Variants in TINAGL1 observed in about 807,000 individuals in gnomAD.
TINAGL1 encodes tubulointerstitial nephritis antigen like 1, also known as tubulointerstitial nephritis antigen-like.
TINAGL1 carries 34 observed loss-of-function variants against 62.0 expected under a neutral mutation model. The observed-to-expected ratio is 0.55, with a 90% CI of 0.42 to 0.73. The LOEUF (loss-of-function observed/expected upper bound fraction) is 0.73. Ranked by LOEUF, TINAGL1 falls within the 30% of genes least tolerant of loss-of-function variation. The pLI is 0.00. For missense variants in TINAGL1, 516 were observed against 653.2 expected, an observed-to-expected ratio of 0.79 and a Z score of 2.29; for synonymous variants, 221 against 249.7, an observed-to-expected ratio of 0.88 and a Z score of 1.08.
chr1:31,586,381 A>C (rs993007689), intron 10 of TINAGL1: 1 of 495,264 alleles, frequency 2.0e-6, no homozygotes, highest in East Asian at 3.7e-5. Flanking sequence ...TGGATCCCCA[A>C]GTGAGGGAGG....
chr1:31,579,594 G>T (rs1186183380), intron 3 of TINAGL1, among the ~76,000 whole-genome samples: 1 of 152,104 alleles, frequency 6.6e-6, no homozygotes, highest in Non-Finnish European at 1.5e-5. Flanking sequence ...GAGGGAGAAG[G>T]GGGCGCCAGG....
Position 31,577,494 on chromosome 1 carries a change from T to G in TINAGL1, c.310+36T>G. On this transcript the variant is annotated intron_variant, in intron 2 of 11. Coordinates refer to ENST00000271064, the MANE Select transcript of TINAGL1 (RefSeq NM_022164.3). The surrounding 1 kb of genome is among the most constrained non-coding windows in gnomAD (Gnocchi z 5.4). ...AGATGGCCAGGAGGGTGGGTCACTT[T>G]GTCCACCTCAGACTCAGCAAGGCTC... 6.3e-7 allele frequency: 1 copy of G among 1,575,246 alleles called. No individual in the cohort carries two copies. The highest frequency in any genetic ancestry group is 8.6e-7 in the Non-Finnish European group (1 of 1,158,676).
chr1:31,579,789 G>A (rs1307677826), intron 3 of TINAGL1: 1 of 160,542 alleles, frequency 6.2e-6, no homozygotes, highest in East Asian at 1.8e-4. Context: ...TATTCAGTCT[G>A]AGATGGGAAG....
chr1:31,578,434 G>GGTGTGTGT (rs10577314), intron 2 of TINAGL1, among the ~76,000 whole-genome samples: 3 of 99,916 alleles, frequency 3.0e-5, no homozygotes, highest in African/African-American at 1.3e-4. Context: ...AGTGACAGCT[G>GGTGTGTGT]GTGTGTGTGT....
chr1:31,586,458 C>T, intron 10 of TINAGL1: 1 of 593,494 alleles, frequency 1.7e-6, no homozygotes, highest in Non-Finnish European at 3.0e-6. Flanking sequence ...CCCAGGTTCC[C>T]TCCTCTTCTG....
intron 2 of TINAGL1, among the ~76,000 whole-genome samples, chr1:31,578,396 G>A (rs1639070773): frequency 6.9e-6 from 1 of 144,886 alleles, no homozygotes; most frequent in Admixed American, 6.9e-5. Context: ...GTGTGTGTGT[G>A]TGATGCCTTC....
rs141976983 is a variant in TINAGL1 at position 31,582,119 on chromosome 1, C to G, written c.375-1030C>G. ...CCAAGGCGGGTGGATCACTTGAGGC[C>G]AGGAATTTGAGACCAGCCTGGGCAA... On this transcript the variant is annotated intron_variant, in intron 3 of 11. Coordinates refer to ENST00000271064, the MANE Select transcript of TINAGL1 (RefSeq NM_022164.3). 7.1e-3 allele frequency among the ~76,000 whole-genome samples: 1,075 copies of G among 152,274 alleles called. 14 individuals are homozygous for G. The highest frequency in any genetic ancestry group is 0.023 in the African/African-American group (973 of 41,536).
At position 31,584,546 on chromosome 1, in the gene TINAGL1, C is replaced by A; in HGVS notation, c.583-132C>A. On this transcript the variant is annotated intron_variant, in intron 5 of 11. Transcript: ENST00000271064. The surrounding 1 kb of genome is among the most constrained non-coding windows in gnomAD (Gnocchi z 4.0). ...AGTCAAAATTGGAGGCAGCTGGAAT[C>A]CTGCAGCAGCAGGAGGGCTCAAGAT... is the stretch of plus-strand genomic sequence containing the variant. The A allele has an allele frequency of 7.2e-7, 1 of 1,392,018 alleles. No homozygotes were observed. Among genetic ancestry groups the A allele is most frequent in the Non-Finnish European group, 9.8e-7 (1 of 1,020,784 alleles). 86.2% of individuals were successfully genotyped at this position (1,392,018 alleles called of 1,614,324 possible). A position where few individuals can be genotyped will look rare whatever the true frequency, so the allele number is the denominator to read the frequency against.
At position 31,587,674 on chromosome 1, in the gene TINAGL1, A is replaced by G. The variant is rs951432155; in HGVS notation, c.*695A>G. The stretch of plus-strand genomic sequence containing the variant: ...CTTTTCACTGTTTTAAAATAAAACC[A>G]AAGTATTGATAACTACAGTGTCTTG... On this transcript the variant is annotated 3_prime_UTR_variant, in exon 12 of 12. Transcript: ENST00000271064. 2 of 152,274 alleles carry G rather than the reference A, an allele frequency of 1.3e-5. No individual in the cohort carries two copies. The highest frequency in any genetic ancestry group is 2.9e-5 in the Non-Finnish European group (2 of 68,062). 9.4% of individuals were successfully genotyped at this position (152,274 alleles called of 1,614,324 possible).
At chr1:31,582,327 C>CAA (rs5773366) in intron 3 of TINAGL1, among the ~76,000 whole-genome samples, 237 of 148,178 alleles carry the variant, frequency 1.6e-3, no homozygotes, top group Middle Eastern at 3.5e-3. Context: ...GACCCTGTCT[C>CAA]AAAAAAAAAA....
At chr1:31,578,402 C>T (rs74569575) in intron 2 of TINAGL1, among the ~76,000 whole-genome samples, 58 of 60,528 alleles carry the variant, frequency 9.6e-4, no homozygotes, top group Non-Finnish European at 1.1e-3. Context: ...GTGTGTGATG[C>T]CTTCAGTTAT....
chr1:31,577,575 G>A lies in TINAGL1; in HGVS notation c.310+117G>A, dbSNP rs1639022658. The A allele has an allele frequency of 1.5e-5, 18 of 1,169,352 alleles. No homozygotes were observed. The highest frequency in any genetic ancestry group is 2.2e-5 in the Non-Finnish European group (18 of 833,878). The allele number at this position is 1,169,352 out of a possible 1,614,324, so 72.4% of individuals were successfully genotyped here. ...TCCAGGGGAAGCTCTGTAGAATCTG[G>A]GACTCTTCCCTGCCCCTCTGGGAAC... On this transcript the variant is annotated intron_variant, in intron 2 of 11. Coordinates refer to ENST00000271064, the MANE Select transcript of TINAGL1 (RefSeq NM_022164.3). The surrounding 1 kb of genome is among the most constrained non-coding windows in gnomAD (Gnocchi z 5.4).
chr1:31,586,348 G>T, intron 10 of TINAGL1: 1 of 453,594 alleles, frequency 2.2e-6, no homozygotes, highest in South Asian at 2.7e-5. Context: ...TCTTCCTTCT[G>T]GCCCTTGGCA....
At position 31,580,803 on chromosome 1, in the gene TINAGL1, C is replaced by A. The variant is rs971559910; in HGVS notation, c.374+1536C>A. 4 of 1,197,292 alleles carry A rather than the reference C, an allele frequency of 3.3e-6. No individual in the cohort carries two copies. The Admixed American group carries it at 1.3e-4, about 39-fold the overall frequency. 74.2% of individuals were successfully genotyped at this position (1,197,292 alleles called of 1,614,324 possible). A position where few individuals can be genotyped will look rare whatever the true frequency, so the allele number is the denominator to read the frequency against. ...TCAGTCGGCACCTATTATTAAAGAC[C>A]TACTGCGTGACAGGCACTATGCTGA... On this transcript the variant is annotated intron_variant, in intron 3 of 11. Coordinates refer to ENST00000271064, the MANE Select transcript of TINAGL1 (RefSeq NM_022164.3).
Position 31,586,690 on chromosome 1 carries a change from C to T in TINAGL1, c.1218-20C>T. 1 of 1,556,960 alleles carries T rather than the reference C, an allele frequency of 6.4e-7. No homozygotes were observed. The highest frequency in any genetic ancestry group is 8.7e-7 in the Non-Finnish European group (1 of 1,149,904). The stretch of plus-strand genomic sequence containing the variant: ...GCAGGTAGACCCAGCTCCCTTCCCC[C>T]TCCTCTGCTCTGCCCACAGATGGGG... On this transcript the variant is annotated intron_variant, in intron 10 of 11. Transcript: ENST00000271064.
At position 31,577,144 on chromosome 1, in the gene TINAGL1, C is replaced by T; in HGVS notation, c.-5C>T. ...ATCTCTGCCCCCCAGGGCCCAGGAG[C>T]CACCATGTGGCGATGTCCACTGGGG... On this transcript the variant is annotated 5_prime_UTR_variant, in exon 2 of 12. Coordinates refer to ENST00000271064, the MANE Select transcript of TINAGL1 (RefSeq NM_022164.3). The surrounding 1 kb of genome is among the most constrained non-coding windows in gnomAD (Gnocchi z 5.4). 1 of 1,507,454 alleles carries T rather than the reference C, an allele frequency of 6.6e-7. No individual in the cohort carries two copies. Among genetic ancestry groups the T allele is most frequent in the Non-Finnish European group, 8.8e-7 (1 of 1,132,428 alleles). The allele number at this position is 1,507,454 out of a possible 1,614,324, so 93.4% of individuals were successfully genotyped here.
chr1:31,580,295 C>G lies in TINAGL1; in HGVS notation c.374+1028C>G, dbSNP rs926269444. 8 of 1,240,864 alleles carry G rather than the reference C, an allele frequency of 6.4e-6. No individual in the cohort carries two copies. In the African/African-American group the frequency reaches 1.2e-4, roughly 19 times the overall value. The allele number at this position is 1,240,864 out of a possible 1,614,324, so 76.9% of individuals were successfully genotyped here. A position where few individuals can be genotyped will look rare whatever the true frequency, so the allele number is the denominator to read the frequency against. ...CTGTCCCTGGCCCCTTAGGCCCCCT[C>G]TGGAATGCTGGGACCTGCTACCACC... On this transcript the variant is annotated intron_variant, in intron 3 of 11. Coordinates refer to ENST00000271064, the MANE Select transcript of TINAGL1 (RefSeq NM_022164.3).
chr1:31,584,819 G>A lies in TINAGL1; in HGVS notation c.706+18G>A. 1 of 1,614,228 alleles carries A rather than the reference G, an allele frequency of 6.2e-7. No homozygotes were observed. Among genetic ancestry groups the A allele is most frequent in the Non-Finnish European group, 8.5e-7 (1 of 1,180,012 alleles). On this transcript the variant is annotated intron_variant, in intron 6 of 11. Coordinates refer to ENST00000271064, the MANE Select transcript of TINAGL1 (RefSeq NM_022164.3). The surrounding 1 kb of genome is among the most constrained non-coding windows in gnomAD (Gnocchi z 4.0). The stretch of plus-strand genomic sequence containing the variant: ...CACAGCAGGTAAGCCAAGGGCAAGG[G>A]CTGGCGCCTGGGAGAGGAGGGCCAA...
Position 31,583,728 on chromosome 1 carries a change from T to C in TINAGL1, c.582+153T>C. On this transcript the variant is annotated intron_variant, in intron 5 of 11. Transcript: ENST00000271064. This position sits in a 1 kb window ranked among gnomAD's most constrained non-coding sequence, Gnocchi z 4.4. Reference sequence around the variant, plus strand: ...AAGTTACTCCCCTTCTCTGGGCCTCTGTTCCCTGCTTCCACAGGATGTGCT... The same window carrying C: ...AAGTTACTCCCCTTCTCTGGGCCTCCGTTCCCTGCTTCCACAGGATGTGCT... 1.5e-6 allele frequency: 1 copy of C among 657,202 alleles called. No individual in the cohort carries two copies. 40.7% of individuals were successfully genotyped at this position (657,202 alleles called of 1,614,324 possible). A position where few individuals can be genotyped will look rare whatever the true frequency, so the allele number is the denominator to read the frequency against.
Sources: allele counts gnomAD v4.1 joint callset (sites outside exome capture counted in the v4.1 genomes callset), GRCh38; gene constraint gnomAD v4.1.1; non-coding constraint Gnocchi (gnomAD v3.1); transcripts MANE v1.5; gene names NCBI Gene and HGNC (gene_info 2026-07-23, HGNC 2026-07-21).